The following BASP1 variants were observed in gnomAD, a reference collection of about 807,000 sequenced individuals.
BASP1 encodes brain acid soluble protein 1.
A neutral mutation model predicts 2.2 loss-of-function variants in BASP1; 1 was observed. The ratio of observed to expected loss-of-function variants is 0.46; its 90% confidence interval spans 0.16 to 2.17. The LOEUF is 2.17. BASP1 is among the 30% of genes most tolerant of loss of function. The pLI is 0.27. For missense variants in BASP1, 352 were observed against 327.2 expected, an observed-to-expected ratio of 1.08 and a Z score of -0.58; for synonymous variants, 187 against 154.2, an observed-to-expected ratio of 1.21 and a Z score of -1.58.
At position 17,260,542 on chromosome 5, in the gene BASP1, C is replaced by T. The variant is rs1455204641; in HGVS notation, c.-9-14666C>T. Among the ~76,000 whole-genome samples, 11 of 152,138 alleles carry T rather than the reference C, an allele frequency of 7.2e-5. No homozygotes were observed. Among genetic ancestry groups the T allele is most frequent in the Admixed American group, 7.2e-4 (11 of 15,272 alleles). On this transcript the variant is annotated intron_variant, in intron 1 of 1. Coordinates refer to ENST00000322611, the MANE Select transcript of BASP1 (RefSeq NM_006317.5). This position sits in a 1 kb window ranked among gnomAD's most constrained non-coding sequence, Gnocchi z 4.2. ...ATCATGGATGGCGCCTGGAACTTGA[C>T]CGCATTTCATTTAATGCAACGGAAA...
At chr5:17,270,242 T>A (rs1171667786) in intron 1 of BASP1, among the ~76,000 whole-genome samples, 1 of 152,154 alleles carries the variant, frequency 6.6e-6, no homozygotes, top group Admixed American at 6.5e-5. Flanking sequence ...TCAGATGATC[T>A]GCCCGCCTCG....
chr5:17,255,416 A>G (rs373493214), intron 1 of BASP1, among the ~76,000 whole-genome samples: 1 of 152,284 alleles, frequency 6.6e-6, no homozygotes, highest in African/African-American at 2.4e-5. Context: ...TCCCATTAAA[A>G]CAGACTCATG....
chr5:17,267,817 C>CTTTTTTTTTTT (rs748938177), intron 1 of BASP1, among the ~76,000 whole-genome samples: 11 of 33,424 alleles, frequency 3.3e-4, no homozygotes, highest in African/African-American at 1.2e-3. Flanking sequence ...GCTCCCAGCC[C>CTTTTTTTTTTT]TTTTTTTTTT....
chr5:17,230,357 A>C (rs1739606568), intron 1 of BASP1, among the ~76,000 whole-genome samples: 1 of 152,090 alleles, frequency 6.6e-6, no homozygotes, highest in African/African-American at 2.4e-5. Flanking sequence ...TTTATGAATC[A>C]GTGGGACACC....
At chr5:17,246,689 TC>T (rs2126504457) in intron 1 of BASP1, among the ~76,000 whole-genome samples, 2 of 152,356 alleles carry the variant, frequency 1.3e-5, no homozygotes, top group African/African-American at 4.8e-5. Context: ...GATGCAGGCT[TC>T]TTAGGATATT....
At chr5:17,230,603 C>T (rs1369490931) in intron 1 of BASP1, among the ~76,000 whole-genome samples, 1 of 152,092 alleles carries the variant, frequency 6.6e-6, no homozygotes, top group African/African-American at 2.4e-5. Context: ...GGGGCTCGCT[C>T]TGTGATGCAG....
chr5:17,257,449 T>G (rs1020996281), intron 1 of BASP1, among the ~76,000 whole-genome samples: 1 of 152,210 alleles, frequency 6.6e-6, no homozygotes, highest in South Asian at 2.1e-4. Flanking sequence ...CTATTCTACA[T>G]GAATGGAGCT....
At chr5:17,250,662 TG>T (rs1218023101) in intron 1 of BASP1, among the ~76,000 whole-genome samples, 1 of 152,190 alleles carries the variant, frequency 6.6e-6, no homozygotes, top group African/African-American at 2.4e-5. Flanking sequence ...TGGAGTGCAG[TG>T]GCCCGATCTC....
Position 17,255,410 on chromosome 5 carries a change from A to G in BASP1, c.-9-19798A>G, listed in dbSNP as rs561420054. The stretch of plus-strand genomic sequence containing the variant: ...TAAGTTCACTAGGTTTTTTTTTCCC[A>G]TTAAAACAGACTCATGAGTCATAGT... On this transcript the variant is annotated intron_variant, in intron 1 of 1. Transcript: ENST00000322611. Among the ~76,000 whole-genome samples the G allele has an allele frequency of 1.5e-4, 23 of 152,084 alleles. 2 individuals are homozygous for G. The South Asian group carries it at 4.4e-3, about 29-fold the overall frequency.
At position 17,230,591 on chromosome 5, in the gene BASP1, CA is replaced by C. The variant is rs202231707; in HGVS notation, c.-10+12782del. Among the ~76,000 whole-genome samples, 1,179 of 152,058 alleles carry C rather than the reference CA, an allele frequency of 7.8e-3. 13 individuals are homozygous for C. Among genetic ancestry groups the C allele is most frequent in the Middle Eastern group, 0.041 (12 of 294 alleles). On this transcript the variant is annotated intron_variant, in intron 1 of 1. Transcript: ENST00000322611. The stretch of plus-strand genomic sequence containing the variant: ...TTTCATTTTATTTTATTTTTTGAGA[CA>C]GGGGCTCGCTCTGTGATGCAGGCTG...
At chr5:17,240,432 A>C (rs1265753640) in intron 1 of BASP1, among the ~76,000 whole-genome samples, 1 of 152,174 alleles carries the variant, frequency 6.6e-6, no homozygotes, top group Non-Finnish European at 1.5e-5. Context: ...GCTCCTCAGG[A>C]GGCTGAGGCA....
Position 17,275,974 on chromosome 5 carries a change from TCTCTCTCTATCTC to T in BASP1, c.*83_*95del. On this transcript the variant is annotated 3_prime_UTR_variant, in exon 2 of 2. Coordinates refer to ENST00000322611, the MANE Select transcript of BASP1 (RefSeq NM_006317.5). This position sits in a 1 kb window ranked among gnomAD's most constrained non-coding sequence, Gnocchi z 5.3. The stretch of plus-strand genomic sequence containing the variant: ...CTCTCTCTCTCTCTCTCTCTCTATC[TCTCTCTCTATCTC>T]CTCTCTCTCTCTCCTCTCCTATCTC... The T allele has an allele frequency of 7.9e-7, 1 of 1,269,152 alleles. No homozygotes were observed. The highest frequency in any genetic ancestry group is 1.1e-6 in the Non-Finnish European group (1 of 947,154). The allele number at this position is 1,269,152 out of a possible 1,614,324, so 78.6% of individuals were successfully genotyped here. A position where few individuals can be genotyped will look rare whatever the true frequency, so the allele number is the denominator to read the frequency against.
At chr5:17,250,281 T>C (rs1394902243) in intron 1 of BASP1, among the ~76,000 whole-genome samples, 1 of 152,212 alleles carries the variant, frequency 6.6e-6, no homozygotes, top group Non-Finnish European at 1.5e-5. Flanking sequence ...CACTTGACTT[T>C]AAAAGGTCGC....
intron 1 of BASP1, among the ~76,000 whole-genome samples, chr5:17,267,113 T>G (rs1239927342): frequency 6.6e-6 from 1 of 152,232 alleles, no homozygotes; most frequent in Non-Finnish European, 1.5e-5. Context: ...ATTTAAAGTA[T>G]CTGTAGGCTG....
intron 1 of BASP1, among the ~76,000 whole-genome samples, chr5:17,248,519 T>C (rs1740039118): frequency 2.6e-5 from 4 of 152,302 alleles, no homozygotes; most frequent in Admixed American, 6.5e-5. Flanking sequence ...TCAGCCCCAA[T>C]TGGACATGAC....
chr5:17,244,666 T>C (rs1485575291), intron 1 of BASP1, among the ~76,000 whole-genome samples: 1 of 151,960 alleles, frequency 6.6e-6, no homozygotes, highest in Non-Finnish European at 1.5e-5. Flanking sequence ...TTTGTGTTTA[T>C]GTATATCAAA....
rs996059902 is a variant in BASP1 at position 17,276,568 on chromosome 5, A to G, written c.*668A>G. 1 of 160,756 alleles carries G rather than the reference A, an allele frequency of 6.2e-6. No homozygotes were observed. Among genetic ancestry groups the G allele is most frequent in the Admixed American group, 7.1e-5 (1 of 14,056 alleles). 10.0% of individuals were successfully genotyped at this position (160,756 alleles called of 1,614,324 possible). A position where few individuals can be genotyped will look rare whatever the true frequency, so the allele number is the denominator to read the frequency against. ...CCTACTTAGCCTACCTAGATTTCTC[A>G]TGACGAGTTAATGCATGTCCGTGGT... is the stretch of plus-strand genomic sequence containing the variant. On this transcript the variant is annotated 3_prime_UTR_variant, in exon 2 of 2. Transcript: ENST00000322611.
chr5:17,262,071 T>G (rs1334660584), intron 1 of BASP1, among the ~76,000 whole-genome samples: 1 of 152,194 alleles, frequency 6.6e-6, no homozygotes, highest in African/African-American at 2.4e-5. Context: ...CTCTTTTGAT[T>G]TTTTGAGACA....
intron 1 of BASP1, among the ~76,000 whole-genome samples, chr5:17,225,576 G>T (rs979145413): frequency 6.6e-6 from 1 of 152,188 alleles, no homozygotes; most frequent in Admixed American, 6.5e-5. Flanking sequence ...ATGCACAGTG[G>T]TTGGGGGCTG....
Sources: gnomAD v4.1 joint callset for allele counts (sites outside exome capture counted in the v4.1 genomes callset) on GRCh38, gnomAD v4.1.1 for gene constraint, Gnocchi (gnomAD v3.1) non-coding constraint, MANE v1.5 for transcripts, NCBI Gene and HGNC (gene_info 2026-07-23, HGNC 2026-07-21) for gene names.